The following IFNAR1 variants were observed in gnomAD, a reference collection of about 807,000 sequenced individuals.
The protein encoded by IFNAR1 is interferon alpha and beta receptor subunit 1, also known as interferon alpha/beta receptor 1.
A neutral mutation model predicts 62.1 loss-of-function variants in IFNAR1; 47 were observed. That is an observed-to-expected ratio of 0.76 (90% CI 0.60 to 0.97). IFNAR1 has a LOEUF of 0.97. IFNAR1 is among the 50% of genes least tolerant of loss of function. The probability of loss-of-function intolerance (pLI) is 0.00; values close to 1 mark genes in which losing one functional copy is unlikely to be tolerated. For missense variants in IFNAR1, 638 were observed against 654.5 expected (o/e 0.97, Z 0.27); for synonymous variants, 219 against 226.9 (o/e 0.97, Z 0.31).
intron 3 of IFNAR1, among the ~76,000 whole-genome samples, chr21:33,341,578 A>G (rs1404863999): frequency 2.6e-5 from 4 of 152,224 alleles, no homozygotes; most frequent in African/African-American, 7.2e-5. Flanking sequence ...TAATCCAAAC[A>G]TTCAAAAGAT....
At chr21:33,335,691 T>C in intron 2 of IFNAR1, 44 bp downstream of exon 2, 1 of 1,429,450 alleles carries the variant, frequency 7.0e-7, no homozygotes, top group Admixed American at 2.4e-5. Context: ...ACCTGAATAA[T>C]TTTTACAAGT....
At chr21:33,338,776 T>C (rs1293651438) in intron 2 of IFNAR1, among the ~76,000 whole-genome samples, 1 of 151,536 alleles carries the variant, frequency 6.6e-6, no homozygotes, top group Non-Finnish European at 1.5e-5. Flanking sequence ...GGAGTCTTGC[T>C]CTGTTGCCCA....
At chr21:33,343,913 T>A (rs546864267) in intron 5 of IFNAR1, among the ~76,000 whole-genome samples, 1 of 152,234 alleles carries the variant, frequency 6.6e-6, no homozygotes, top group Non-Finnish European at 1.5e-5. Context: ...CCCAGCACTT[T>A]GAGAGGCTGA....
At chr21:33,354,417 G>T (rs1601036958) in intron 10 of IFNAR1, among the ~76,000 whole-genome samples, 1 of 152,160 alleles carries the variant, frequency 6.6e-6, no homozygotes, top group Non-Finnish European at 1.5e-5. Context: ...TTCAATTTGT[G>T]ATGCGTTTGT....
In IFNAR1 at chr21:33,359,283, GT is replaced by G. The variant is rs955006749; in HGVS notation, c.*3735del. 4 of 152,162 alleles carry G rather than the reference GT, an allele frequency of 2.6e-5. No individual in the cohort carries two copies. Among genetic ancestry groups the G allele is most frequent in the African/African-American group, 9.7e-5 (4 of 41,424 alleles). 9.4% of individuals were successfully genotyped at this position (152,162 alleles called of 1,614,324 possible). A position where few individuals can be genotyped will look rare whatever the true frequency, so the allele number is the denominator to read the frequency against. Reference sequence around the variant, plus strand: ...ACCCTACTGCTGGAAACAATTTTATGTAATAAGCAATGGGCCCAAAAGTCTA... The same window carrying G: ...ACCCTACTGCTGGAAACAATTTTATGAATAAGCAATGGGCCCAAAAGTCTA... On this transcript the variant is annotated 3_prime_UTR_variant, in exon 11 of 11. Transcript: ENST00000270139.
In IFNAR1 at chr21:33,357,585, GCT is replaced by G. The variant is rs2083461032; in HGVS notation, c.*2037_*2038del. ...CTGTTGCCCAGGCTGGAGTGCAGTG[GCT>G]TGATCTCGGCTCACTGCAACCTCGC... On this transcript the variant is annotated 3_prime_UTR_variant, in exon 11 of 11. Transcript: ENST00000270139. The G allele has an allele frequency of 1.3e-5, 2 of 151,244 alleles. No individual in the cohort carries two copies. Among genetic ancestry groups the G allele is most frequent in the Non-Finnish European group, 2.9e-5 (2 of 68,054 alleles). 9.4% of individuals were successfully genotyped at this position (151,244 alleles called of 1,614,324 possible).
intron 6 of IFNAR1, 21 bp from the exon 7 acceptor site, chr21:33,349,070 A>T (rs776300882): frequency 2.7e-6 from 4 of 1,459,426 alleles, no homozygotes; most frequent in Admixed American, 1.9e-5. Flanking sequence ...TAATGAATTT[A>T]AAAAATATTT....
intron 1 of IFNAR1, 72 bp downstream of exon 1, chr21:33,325,203 A>T (rs2083114880): frequency 1.5e-6 from 2 of 1,347,366 alleles, no homozygotes; most frequent in African/African-American, 2.9e-5. Context: ...GGGGGCGGCG[A>T]TGCTGTTGGG....
chr21:33,351,778 G>C (rs1044742663), intron 8 of IFNAR1, among the ~76,000 whole-genome samples: 1 of 151,900 alleles, frequency 6.6e-6, no homozygotes, highest in African/African-American at 2.4e-5. Flanking sequence ...TGGTGGTGGT[G>C]GTGGTGGTTG....
At chr21:33,351,930 C>T (rs909040532) in intron 8 of IFNAR1, among the ~76,000 whole-genome samples, 1 of 151,844 alleles carries the variant, frequency 6.6e-6, no homozygotes, top group Non-Finnish European at 1.5e-5. Flanking sequence ...CTCCTGGGCT[C>T]CAGTGATCCT....
intron 1 of IFNAR1, among the ~76,000 whole-genome samples, chr21:33,330,186 C>T (rs780598494): frequency 3.9e-5 from 6 of 152,180 alleles, no homozygotes; most frequent in Admixed American, 2.0e-4. Flanking sequence ...AACACACCAT[C>T]CAGATATCTG....
chr21:33,336,890 G>A (rs999685357), intron 2 of IFNAR1, among the ~76,000 whole-genome samples: 4 of 151,438 alleles, frequency 2.6e-5, no homozygotes, highest in African/African-American at 9.7e-5. Context: ...AGCTGGGATT[G>A]CAAGCACATG....
Position 33,325,072 on chromosome 21 carries a change from T to C in IFNAR1, c.17T>C (p.Leu6Pro), listed in dbSNP as rs1261792292. MMVVL[L>P]GATTLVLVAV... ...GGCTCCCAGATGATGGTCGTCCTCC[T>C]GGGCGCGACGACCCTAGTGCTCGTC... The change falls in exon 1 of 11, where the codon CTG becomes CCG. Residue 6 changes from leucine to proline, a missense_variant. Coordinates refer to ENST00000270139, the MANE Select transcript of IFNAR1 (RefSeq NM_000629.3). The C allele has an allele frequency of 5.6e-6, 9 of 1,608,522 alleles. No homozygotes were observed. The African/African-American group carries it at 8.0e-5, about 14-fold the overall frequency.
Position 33,335,527 on chromosome 21 carries a change from GA to G in IFNAR1, c.86del (p.Asn29IlefsTer2). On this transcript the variant is annotated frameshift_variant, in exon 2 of 11. Transcript: ENST00000270139. LOFTEE classifies it high-confidence loss of function. ...APWVLSAAAGGKNLKSPQKVE... is the reference protein window; with the variant it reads ...APWVLSAAAGXKNLKSPQKVE... ...TTATTTCTTGTTGCTTTTATAGGTG[GA>G]AAAAATCTAAAATCTCCTCAAAAAG... The G allele has an allele frequency of 1.3e-6, 2 of 1,579,996 alleles. No individual in the cohort carries two copies. Among genetic ancestry groups the G allele is most frequent in the Admixed American group, 1.7e-5 (1 of 57,598 alleles).
intron 8 of IFNAR1, among the ~76,000 whole-genome samples, chr21:33,351,145 A>G (rs763905639): frequency 4.6e-5 from 7 of 152,358 alleles, no homozygotes; most frequent in Non-Finnish European, 7.3e-5. Context: ...TAAGTATTGT[A>G]CATGAATTGT....
At chr21:33,352,671 G>A (rs1174212801) in intron 8 of IFNAR1, 87 bp from the exon 9 acceptor site, 9 of 711,418 alleles carry the variant, frequency 1.3e-5, no homozygotes, top group South Asian at 2.2e-5. Context: ...GCCAATGTTA[G>A]ACTGAACATA....
Position 33,356,681 on chromosome 21 carries a change from G to T in IFNAR1, c.*1132G>T, listed in dbSNP as rs1305049424. 1.3e-5 allele frequency: 2 copies of T among 152,220 alleles called. No individual in the cohort carries two copies. The highest frequency in any genetic ancestry group is 4.8e-5 in the African/African-American group (2 of 41,464). The allele number at this position is 152,220 out of a possible 1,614,324, so 9.4% of individuals were successfully genotyped here. ...GTTGTATTTTAAGATCTGAGAGTGT[G>T]TACAAGTTTTAGTATACATGCCATG... On this transcript the variant is annotated 3_prime_UTR_variant, in exon 11 of 11. Coordinates refer to ENST00000270139, the MANE Select transcript of IFNAR1 (RefSeq NM_000629.3).
In IFNAR1 at chr21:33,344,457, A is replaced by G. The variant is rs999507114; in HGVS notation, c.673+781A>G. ...CATATGCTTTTTTTTTTAATCAAAC[A>G]TTACGGAAGGGTTTAAAGTGAAGTC... is the stretch of plus-strand genomic sequence containing the variant. On this transcript the variant is annotated intron_variant, in intron 5 of 10. Coordinates refer to ENST00000270139, the MANE Select transcript of IFNAR1 (RefSeq NM_000629.3). 3.3e-5 allele frequency among the ~76,000 whole-genome samples: 5 copies of G among 151,910 alleles called. 1 individual carries two copies. In the South Asian group the frequency reaches 1.0e-3, roughly 31 times the overall value.
chr21:33,331,510 C>T (rs530589000), intron 1 of IFNAR1, among the ~76,000 whole-genome samples: 6 of 152,222 alleles, frequency 3.9e-5, no homozygotes, highest in South Asian at 2.1e-4. Context: ...TGTAGTACCC[C>T]GCTTCCCTGG....
Sources: gnomAD v4.1 joint callset for allele counts (sites outside exome capture counted in the v4.1 genomes callset) on GRCh38, gnomAD v4.1.1 for gene constraint, MANE v1.5 for transcripts, NCBI Gene and HGNC (gene_info 2026-07-23, HGNC 2026-07-21) for gene names.